The following DAB1 variants were observed in gnomAD, a reference collection of about 807,000 sequenced individuals.
The protein encoded by DAB1 is DAB adaptor protein 1.
DAB1 carries 15 observed loss-of-function variants against 64.6 expected under a neutral mutation model. The ratio of observed to expected loss-of-function variants is 0.23; its 90% CI spans 0.16 to 0.36. The LOEUF (loss-of-function observed/expected upper bound fraction) is 0.36, where lower values mean the gene tolerates loss of function less well. Ranked by LOEUF, DAB1 falls within the 10% of genes least tolerant of loss-of-function variation. DAB1 has a pLI of 1.00. For synonymous variants in DAB1, 235 were observed against 251.9 expected, an observed-to-expected ratio of 0.93 and a Z score of 0.64; for missense variants, 596 against 706.7, an observed-to-expected ratio of 0.84 and a Z score of 1.78.
chr1:58,099,361 T>C (rs894944282), intron 5 of DAB1, among the ~76,000 whole-genome samples: 2 of 152,192 alleles, frequency 1.3e-5, no homozygotes, highest in Non-Finnish European at 2.9e-5. Context: ...AGGGACTGCC[T>C]CTCATTTATT....
At chr1:58,044,674 A>T (rs1378998824) in intron 5 of DAB1, among the ~76,000 whole-genome samples, 1 of 152,086 alleles carries the variant, frequency 6.6e-6, no homozygotes. Context: ...GAGAGACCAG[A>T]CTTCAGATCC....
intron 2 of DAB1, among the ~76,000 whole-genome samples, chr1:57,215,160 G>A (rs985205981): frequency 2.0e-5 from 3 of 151,984 alleles, no homozygotes. Flanking sequence ...TTGTATTTGG[G>A]GTTTGATCCT....
chr1:57,330,778 C>A (rs1570294430), intron 1 of DAB1, among the ~76,000 whole-genome samples: 2 of 151,734 alleles, frequency 1.3e-5, no homozygotes, highest in African/African-American at 4.8e-5. Context: ...GTCTGGAGCT[C>A]CACACTATGG....
intron 5 of DAB1, among the ~76,000 whole-genome samples, chr1:57,962,631 G>T (rs1645552655): frequency 6.6e-6 from 1 of 152,152 alleles, no homozygotes. Flanking sequence ...TGGCACTTTG[G>T]GAGGTTGAGG....
At chr1:58,227,811 C>T (rs920650229) in intron 4 of DAB1, among the ~76,000 whole-genome samples, 12 of 152,214 alleles carry the variant, frequency 7.9e-5, no homozygotes, top group African/African-American at 2.9e-4. Flanking sequence ...CCTGTGTATT[C>T]TGCATGCAGC....
rs1358850111 is a variant in DAB1, at chr1:57,446,396, G to A, written n.626-155230C>T. On this transcript the variant is annotated intron_variant and non_coding_transcript_variant, in intron 7 of 20. Coordinates refer to the DAB1 transcript ENST00000485760. The stretch of plus-strand genomic sequence containing the variant: ...GCAGATCACCTGAGGTCGGGAGTTC[G>A]AGACCAGCCTCACCCACACGGAGAA... 2.0e-5 allele frequency among the ~76,000 whole-genome samples: 3 copies of A among 152,060 alleles called. No homozygotes were observed. In the East Asian group the frequency reaches 5.8e-4, roughly 29 times the overall value.
At chr1:57,647,717 G>T (rs1333807070) in intron 7 of DAB1, among the ~76,000 whole-genome samples, 1 of 152,124 alleles carries the variant, frequency 6.6e-6, no homozygotes, top group Non-Finnish European at 1.5e-5. Flanking sequence ...ATCCTTCAAA[G>T]GTCTTTTGGC....
At chr1:57,569,217 C>T (rs1253386334) in intron 7 of DAB1, among the ~76,000 whole-genome samples, 1 of 136,206 alleles carries the variant, frequency 7.3e-6, no homozygotes, top group African/African-American at 2.7e-5. Context: ...CGAGATTGCG[C>T]CACTGCACTC....
intron 4 of DAB1, among the ~76,000 whole-genome samples, chr1:58,296,956 G>A (rs1008713706): frequency 1.3e-5 from 2 of 152,184 alleles, no homozygotes; most frequent in Non-Finnish European, 2.9e-5. Flanking sequence ...TTCAGACTGT[G>A]CCTGACATAT....
intron 4 of DAB1, among the ~76,000 whole-genome samples, chr1:57,088,276 G>A (rs967605624): frequency 5.3e-5 from 8 of 152,196 alleles, no homozygotes; most frequent in South Asian, 2.1e-4. Flanking sequence ...TCACCATGTT[G>A]GTCAGGCTGG....
At chr1:58,017,565 T>G (rs1348238494) in intron 5 of DAB1, among the ~76,000 whole-genome samples, 2 of 152,218 alleles carry the variant, frequency 1.3e-5, no homozygotes, top group African/African-American at 2.4e-5. Context: ...AACACAACCC[T>G]AGGGCTGGAC....
chr1:57,070,923 G>A (rs1651394452), intron 7 of DAB1, 100 bp downstream of exon 7: 5 of 1,049,260 alleles, frequency 4.8e-6, no homozygotes, highest in Non-Finnish European at 7.5e-6. Flanking sequence ...TCTCTCTCCA[G>A]GTTTTGCAGT....
At chr1:57,277,366 A>G (rs891000505) in intron 2 of DAB1, among the ~76,000 whole-genome samples, 1 of 152,196 alleles carries the variant, frequency 6.6e-6, no homozygotes, top group Admixed American at 6.5e-5. Context: ...TCTTCTCCCT[A>G]TGAAAACGGT....
chr1:57,214,910 C>CAAAAA (rs56175448), intron 2 of DAB1, among the ~76,000 whole-genome samples: 3,753 of 58,172 alleles, frequency 0.065, 252 homozygotes, highest in African/African-American at 0.12. Context: ...GATTCCCTCT[C>CAAAAA]AAAAAAAAAA....
At chr1:57,100,015 T>C (rs1190500322) in intron 4 of DAB1, among the ~76,000 whole-genome samples, 1 of 152,138 alleles carries the variant, frequency 6.6e-6, no homozygotes, top group East Asian at 1.9e-4. Flanking sequence ...TTAAAGAGTA[T>C]TAAATCAATC....
intron 7 of DAB1, among the ~76,000 whole-genome samples, chr1:57,499,729 T>C (rs1279641914): frequency 6.6e-6 from 1 of 152,220 alleles, no homozygotes; most frequent in East Asian, 1.9e-4. Context: ...AACAATGAAT[T>C]TCTCCTTATG....
At chr1:57,895,427 C>T (rs1286444406) in intron 5 of DAB1, among the ~76,000 whole-genome samples, 7 of 152,140 alleles carry the variant, frequency 4.6e-5, no homozygotes, top group Non-Finnish European at 8.8e-5. Context: ...CCTTAACCAT[C>T]ACATTATTGC....
intron 7 of DAB1, among the ~76,000 whole-genome samples, chr1:57,626,687 T>G (rs1055211681): frequency 1.3e-5 from 2 of 152,176 alleles, no homozygotes; most frequent in African/African-American, 4.8e-5. Flanking sequence ...TCCAGCAGAT[T>G]GGGTGTCTGG....
chr1:57,848,534 G>T (rs1350029588), intron 1 of DAB1, among the ~76,000 whole-genome samples: 1 of 152,184 alleles, frequency 6.6e-6, no homozygotes, highest in Non-Finnish European at 1.5e-5. Context: ...CACTTCTACT[G>T]AGTCACAGCC....
Sources: gnomAD v4.1 joint callset for allele counts (sites outside exome capture counted in the v4.1 genomes callset) on GRCh38, gnomAD v4.1.1 for gene constraint, MANE v1.5 for transcripts, NCBI Gene and HGNC (gene_info 2026-07-23, HGNC 2026-07-21) for gene names.